Variants in IFT80 observed in about 807,000 individuals in gnomAD.
IFT80 encodes the protein intraflagellar transport protein 80 homolog.
A neutral mutation model predicts 107.9 loss-of-function variants in IFT80; 79 were observed. That is an observed-to-expected ratio of 0.73 (90% CI 0.61 to 0.88). The LOEUF is 0.88. IFT80 is among the 40% of genes least tolerant of loss of function. IFT80 has a pLI of 0.00. For missense variants in IFT80, 797 were observed against 914.2 expected (o/e 0.87, Z 1.65); for synonymous variants, 299 against 300.9 (o/e 0.99, Z 0.07).
chr3:160,382,623 C>T (rs1471777025), intron 2 of IFT80, among the ~76,000 whole-genome samples: 1 of 152,164 alleles, frequency 6.6e-6, no homozygotes, highest in Non-Finnish European at 1.5e-5. Flanking sequence ...AGGATGTTTT[C>T]TCTTGCTACG....
intron 14 of IFT80, 52 bp downstream of exon 14, chr3:160,282,426 A>C: frequency 8.3e-7 from 1 of 1,198,788 alleles, no homozygotes; most frequent in Admixed American, 2.1e-5. Context: ...TTATTACAGC[A>C]AATATAAGAA....
chr3:160,361,064 T>C (rs1046671502), intron 6 of IFT80, among the ~76,000 whole-genome samples: 5 of 152,142 alleles, frequency 3.3e-5, no homozygotes, highest in Admixed American at 1.3e-4. Flanking sequence ...AATGCCCCAA[T>C]TAAAAGACAC....
intron 4 of IFT80, among the ~76,000 whole-genome samples, chr3:160,376,119 T>C (rs1712001027): frequency 6.6e-6 from 1 of 152,216 alleles, no homozygotes; most frequent in African/African-American, 2.4e-5. Flanking sequence ...TAGCTTAACT[T>C]TCATGACGAA....
intron 12 of IFT80, among the ~76,000 whole-genome samples, chr3:160,293,687 C>T (rs1715748404): frequency 6.6e-6 from 1 of 152,122 alleles, no homozygotes; most frequent in South Asian, 2.1e-4. Flanking sequence ...AATAAGGTGA[C>T]TCTGGTGAGC....
chr3:160,260,833 C>T (rs1191634410), intron 19 of IFT80, among the ~76,000 whole-genome samples: 1 of 152,196 alleles, frequency 6.6e-6, no homozygotes, highest in Non-Finnish European at 1.5e-5. Flanking sequence ...AAAAGGCTCT[C>T]CATCCTCTAA....
intron 18 of IFT80, among the ~76,000 whole-genome samples, chr3:160,270,982 C>A (rs1576729660): frequency 6.6e-6 from 1 of 152,098 alleles, no homozygotes; most frequent in East Asian, 1.9e-4. Flanking sequence ...TGGTATGAAA[C>A]ATCAATACAT....
chr3:160,359,259 G>A (rs182754471), intron 6 of IFT80, among the ~76,000 whole-genome samples: 1 of 152,274 alleles, frequency 6.6e-6, no homozygotes, highest in East Asian at 1.9e-4. Flanking sequence ...CTGGCCCAGA[G>A]GTTCTACTGA....
At chr3:160,303,726 T>A (rs9872543) in intron 11 of IFT80, among the ~76,000 whole-genome samples, 189 bp downstream of exon 11, 2,990 of 152,318 alleles carry the variant, frequency 0.02, 86 homozygotes, top group African/African-American at 0.068. Flanking sequence ...ATTCAGAGAC[T>A]AAAATGTTTC....
In IFT80 at chr3:160,356,082, G is replaced by C. The variant is rs770559004; in HGVS notation, c.708C>G (p.Ala236=). 6.2e-7 allele frequency: 1 copy of C among 1,614,112 alleles called. No individual in the cohort carries two copies. Among genetic ancestry groups the C allele is most frequent in the South Asian group, 1.1e-5 (1 of 91,080 alleles). The stretch of plus-strand genomic sequence containing the variant: ...CAAATAATTCTCCATCTGGAGCCCA[G>C]GCAACTGAAGTAATGGGATGCTCAT... The part of the protein sequence containing the change: ...QPHEHPITSV[A]WAPDGELFAV... The change falls in exon 8 of 20, where the codon GCC becomes GCG. Residue 236 remains alanine, a synonymous_variant. Transcript: ENST00000326448.
intron 9 of IFT80, among the ~76,000 whole-genome samples, chr3:160,309,997 T>C (rs1435611077): frequency 6.6e-6 from 1 of 152,024 alleles, no homozygotes; most frequent in Non-Finnish European, 1.5e-5. Context: ...TTTTCATCGG[T>C]CAAAAACAAA....
intron 8 of IFT80, among the ~76,000 whole-genome samples, chr3:160,349,413 C>A (rs918653406): frequency 6.6e-6 from 1 of 151,760 alleles, no homozygotes; most frequent in Non-Finnish European, 1.5e-5. Context: ...CGCTCCACTG[C>A]ACTCCAGCCT....
chr3:160,362,679 A>T (rs1387267529), intron 6 of IFT80, among the ~76,000 whole-genome samples: 1 of 152,220 alleles, frequency 6.6e-6, no homozygotes, highest in Non-Finnish European at 1.5e-5. Context: ...ACCATGATCA[A>T]GTTGGCTTCA....
Position 160,305,757 on chromosome 3 carries a change from T to C in IFT80, c.1077-1768A>G, listed in dbSNP as rs571749293. Among the ~76,000 whole-genome samples the C allele has an allele frequency of 2.4e-3, 358 of 152,290 alleles. 4 individuals carry two copies. The highest frequency in any genetic ancestry group is 8.0e-3 in the African/African-American group (331 of 41,576). ...CTTTTCATATAAACCAGTAAATTAC[T>C]TGCATGTCTGTTTTTAAAATTATAT... On this transcript the variant is annotated intron_variant, in intron 10 of 19. Transcript: ENST00000326448.
intron 18 of IFT80, among the ~76,000 whole-genome samples, chr3:160,277,093 C>T (rs1714325721): frequency 6.6e-6 from 1 of 152,104 alleles, no homozygotes; most frequent in South Asian, 2.1e-4. Context: ...TAGGAAACAC[C>T]CTAGCCTCTC....
intron 12 of IFT80, chr3:160,299,323 C>A: frequency 7.7e-6 from 6 of 782,196 alleles, no homozygotes; most frequent in Non-Finnish European, 1.0e-5. Flanking sequence ...ATATTTCCTG[C>A]CAGTATAAGA....
intron 12 of IFT80, among the ~76,000 whole-genome samples, chr3:160,287,071 C>A (rs1715147114): frequency 6.6e-6 from 1 of 152,032 alleles, no homozygotes; most frequent in African/African-American, 2.4e-5. Flanking sequence ...ATTAACCATG[C>A]CAATGTAATA....
intron 6 of IFT80, among the ~76,000 whole-genome samples, chr3:160,360,677 C>T (rs1721426483): frequency 6.6e-6 from 1 of 152,114 alleles, no homozygotes; most frequent in Non-Finnish European, 1.5e-5. Flanking sequence ...ACTCTACAAG[C>T]CAGAAGGGAG....
intron 6 of IFT80, among the ~76,000 whole-genome samples, chr3:160,359,482 G>C (rs1257906642): frequency 3.3e-5 from 5 of 152,138 alleles, no homozygotes; most frequent in African/African-American, 1.2e-4. Context: ...AGAGAGCAGT[G>C]GTTCTCCCAG....
intron 8 of IFT80, among the ~76,000 whole-genome samples, chr3:160,355,731 G>A (rs1721028648): frequency 6.6e-6 from 1 of 152,090 alleles, no homozygotes; most frequent in Middle Eastern, 3.4e-3. Flanking sequence ...ATATTGAATG[G>A]GCATAAATTT....
Sources: allele counts gnomAD v4.1 joint callset (sites outside exome capture counted in the v4.1 genomes callset), GRCh38; gene constraint gnomAD v4.1.1; transcripts MANE v1.5; gene names NCBI Gene and HGNC (gene_info 2026-07-23, HGNC 2026-07-21).